ACSBG2: variants seen among roughly 807,000 people sequenced by gnomAD.
ACSBG2 encodes acyl-CoA synthetase bubblegum family member 2.
In ACSBG2, 62 loss-of-function variants were observed where a neutral mutation model predicts 74.7. That is an observed-to-expected ratio of 0.83 (90% CI 0.68 to 1.03). The LOEUF is 1.03. ACSBG2 is among the 50% of genes least tolerant of loss of function. The pLI is 0.00. For synonymous variants in ACSBG2, 309 were observed against 294.1 expected (o/e 1.05, Z -0.52); for missense variants, 730 against 817.6 (o/e 0.89, Z 1.31).
rs138702542 is a variant in ACSBG2 at position 6,159,019 on chromosome 19, G to A, written c.508-2196G>A. Among the ~76,000 whole-genome samples, 581 of 151,460 alleles carry A rather than the reference G, an allele frequency of 3.8e-3. 4 individuals carry two copies. Among genetic ancestry groups the A allele is most frequent in the African/African-American group, 0.013 (553 of 41,232 alleles). On this transcript the variant is annotated intron_variant, in intron 5 of 14. Coordinates refer to ENST00000588485, the MANE Select transcript of ACSBG2 (RefSeq NM_030924.5). ...GTCGTCCAGTCTGGAGAGCAGTGGC[G>A]CCATCTTGGCTCACTGCAACCTCCA...
intron 4 of ACSBG2, among the ~76,000 whole-genome samples, chr19:6,155,886 T>C (rs2089404125): frequency 7.7e-6 from 1 of 129,434 alleles, no homozygotes; most frequent in Non-Finnish European, 1.6e-5. Context: ...GTATCTAAGA[T>C]AGATAAAGAA....
intron 4 of ACSBG2, 68 bp from the exon 5 acceptor site, chr19:6,156,363 G>C: frequency 1.3e-6 from 2 of 1,482,118 alleles, no homozygotes; most frequent in Non-Finnish European, 1.8e-6. Flanking sequence ...CCTCTCTTTT[G>C]ACCTTCCAGA....
intron 6 of ACSBG2, among the ~76,000 whole-genome samples, chr19:6,164,679 C>T (rs1235931814): frequency 1.3e-5 from 2 of 152,182 alleles, no homozygotes; most frequent in African/African-American, 2.4e-5. Context: ...GATCCGCCCA[C>T]CTCAGCCTCC....
chr19:6,181,050 A>G (rs569819636), intron 8 of ACSBG2, among the ~76,000 whole-genome samples: 39 of 150,788 alleles, frequency 2.6e-4, no homozygotes, highest in Admixed American at 2.0e-3. Context: ...CTACTAAAAA[A>G]AAAAAAAAAA....
intron 1 of ACSBG2, among the ~76,000 whole-genome samples, chr19:6,139,147 G>A (rs1266283065): frequency 6.6e-6 from 1 of 151,442 alleles, no homozygotes; most frequent in South Asian, 2.1e-4. Context: ...GAGTCCAATG[G>A]TGCTATCTTG....
chr19:6,190,783 T>C, intron 14 of ACSBG2, 91 bp downstream of exon 14: 1 of 673,810 alleles, frequency 1.5e-6, no homozygotes, highest in Non-Finnish European at 2.7e-6. Context: ...TGACTGGAAC[T>C]GCAGAAAACA....
At chr19:6,151,954 G>A (rs1180591617) in intron 4 of ACSBG2, among the ~76,000 whole-genome samples, 159 bp downstream of exon 4, 1 of 152,140 alleles carries the variant, frequency 6.6e-6, no homozygotes, top group Non-Finnish European at 1.5e-5. Context: ...CTGATCACAG[G>A]TCATACGCAA....
chr19:6,164,490 T>G (rs2089734617), intron 6 of ACSBG2, among the ~76,000 whole-genome samples: 1 of 150,318 alleles, frequency 6.7e-6, no homozygotes, highest in South Asian at 2.1e-4. Flanking sequence ...TGGAGTGCAG[T>G]GGCGTGATCT....
intron 7 of ACSBG2, among the ~76,000 whole-genome samples, chr19:6,172,767 G>A (rs993199013): frequency 5.3e-5 from 8 of 152,090 alleles, no homozygotes; most frequent in South Asian, 2.1e-4. Context: ...CCAGTAGATC[G>A]CACTTAAAAG....
intron 7 of ACSBG2, among the ~76,000 whole-genome samples, chr19:6,169,719 A>T (rs939895371): frequency 2.0e-5 from 3 of 152,180 alleles, no homozygotes; most frequent in Non-Finnish European, 4.4e-5. Context: ...ATGAGCATGG[A>T]ATGCTTTTCC....
intron 13 of ACSBG2, among the ~76,000 whole-genome samples, chr19:6,189,526 T>TG (rs2090501588): frequency 2.0e-5 from 3 of 150,742 alleles, no homozygotes; most frequent in Non-Finnish European, 4.4e-5. Flanking sequence ...CACTGAGTCT[T>TG]GTTTTTTTTT....
intron 5 of ACSBG2, 103 bp from the exon 6 acceptor site, chr19:6,161,112 A>AAAAT: frequency 1.1e-6 from 1 of 892,708 alleles, no homozygotes. Flanking sequence ...AAAAAAAAAA[A>AAAAT]GAGGCTAGAG....
intron 4 of ACSBG2, among the ~76,000 whole-genome samples, chr19:6,153,268 A>C (rs1175002641): frequency 1.3e-5 from 2 of 152,020 alleles, no homozygotes; most frequent in Admixed American, 6.6e-5. Context: ...CAAAACAAAA[A>C]AATTTAAAAT....
At chr19:6,190,196 T>C (rs2090524626) in intron 13 of ACSBG2, 2 of 197,194 alleles carry the variant, frequency 1.0e-5, no homozygotes, top group South Asian at 9.7e-5. Flanking sequence ...AACTCCCAGT[T>C]TGAGACTTGA....
At chr19:6,152,395 A>ATTCT (rs757833655) in intron 4 of ACSBG2, among the ~76,000 whole-genome samples, 35 of 67,072 alleles carry the variant, frequency 5.2e-4, no homozygotes, top group African/African-American at 8.8e-4. Flanking sequence ...GGTTCACGCC[A>ATTCT]TTCTCCTGCC....
intron 13 of ACSBG2, among the ~76,000 whole-genome samples, chr19:6,189,468 A>G (rs1395302408): frequency 7.2e-5 from 11 of 151,770 alleles, no homozygotes; most frequent in Admixed American, 7.2e-4. Context: ...GGCAATGAAC[A>G]ACCTGGGTTC....
chr19:6,183,078 T>G lies in ACSBG2; in HGVS notation c.1128T>G (p.Thr376=). Residue 376 remains threonine, a synonymous_variant, in exon 10 of 15, where the codon ACT becomes ACG. Transcript: ENST00000588485. ...NTPVSYRMAK[T]LVFSKVKTSL... is the part of the protein sequence containing the mutation. Reference sequence around the variant, plus strand: ...CCGTGAGCTACCGCATGGCTAAGACTCTCGTGTTCAGCAAAGTCAAGACAT... The same window carrying G: ...CCGTGAGCTACCGCATGGCTAAGACGCTCGTGTTCAGCAAAGTCAAGACAT... 1 of 1,614,150 alleles carries G rather than the reference T, an allele frequency of 6.2e-7. No individual in the cohort carries two copies. Among genetic ancestry groups the G allele is most frequent in the Non-Finnish European group, 8.5e-7 (1 of 1,180,034 alleles).
intron 6 of ACSBG2, among the ~76,000 whole-genome samples, chr19:6,163,794 A>C (rs1374240918): frequency 1.3e-5 from 2 of 148,868 alleles, no homozygotes; most frequent in Non-Finnish European, 3.0e-5. Flanking sequence ...AAAAAAAAAA[A>C]AAAAAAACAG....
chr19:6,181,279 AGGGAG>A (rs931420238), intron 8 of ACSBG2, among the ~76,000 whole-genome samples: 3 of 121,542 alleles, frequency 2.5e-5, no homozygotes, highest in East Asian at 2.8e-4. Context: ...AGGGAGGGGA[AGGGAG>A]GGGAGGGGAG....
Sources: allele counts gnomAD v4.1 joint callset (sites outside exome capture counted in the v4.1 genomes callset), GRCh38; gene constraint gnomAD v4.1.1; transcripts MANE v1.5; gene names NCBI Gene and HGNC (gene_info 2026-07-23, HGNC 2026-07-21).